The following GLI3 variants were observed in gnomAD, a reference collection of about 807,000 sequenced individuals.
GLI3 encodes the protein GLI family zinc finger 3.
GLI3 carries 20 observed loss-of-function variants against 100.8 expected under a neutral mutation model. The ratio of observed to expected loss-of-function variants is 0.20; its 90% confidence interval spans 0.14 to 0.29. The LOEUF is 0.29. GLI3 is among the 10% of genes least tolerant of loss of function. The pLI, the probability that GLI3 is intolerant of heterozygous loss-of-function variation, is 1.00. For synonymous variants in GLI3, 938 were observed against 860.5 expected, an observed-to-expected ratio of 1.09 and a Z score of -1.58; for missense variants, 2,040 against 2,128.5, an observed-to-expected ratio of 0.96 and a Z score of 0.82.
At chr7:42,039,134 C>T (rs1011306525) in intron 7 of GLI3, among the ~76,000 whole-genome samples, 1 of 152,156 alleles carries the variant, frequency 6.6e-6, no homozygotes, top group Non-Finnish European at 1.5e-5. Flanking sequence ...ACCAGGATTG[C>T]TAAATTAATT....
intron 2 of GLI3, among the ~76,000 whole-genome samples, chr7:42,197,011 C>T (rs1379695145): frequency 6.6e-6 from 1 of 152,108 alleles, no homozygotes; most frequent in African/African-American, 2.4e-5. Flanking sequence ...GAAGTTTTAT[C>T]CTCTGGATTT....
rs1784227926 is a variant in GLI3, at chr7:42,045,526, G to A, written c.684C>T (p.Pro228=). Reference sequence around the variant, plus strand: ...ATTCTGCTGGGCTGACTCCTGCATGGGGCGCTAGGAGGAGACAAGAGATGT... The same window carrying A: ...ATTCTGCTGGGCTGACTCCTGCATGAGGCGCTAGGAGGAGACAAGAGATGT... The part of the protein sequence containing the change: ...ATRGLSPTDA[P]HAGVSPAEYY... The change falls in exon 6 of 15, where the codon CCC becomes CCT. Residue 228 remains proline, a synonymous_variant. Transcript: ENST00000395925. The A allele has an allele frequency of 6.2e-7, 1 of 1,613,796 alleles. No homozygotes were observed. The highest frequency in any genetic ancestry group is 1.1e-5 in the South Asian group (1 of 91,074).
chr7:41,994,991 G>A (rs1023333431), intron 10 of GLI3, among the ~76,000 whole-genome samples: 10 of 152,170 alleles, frequency 6.6e-5, no homozygotes, highest in African/African-American at 2.2e-4. Context: ...GCACTCTCTG[G>A]GGAATAAATA....
chr7:42,148,786 T>C (rs1243023690), intron 2 of GLI3, among the ~76,000 whole-genome samples: 4 of 152,196 alleles, frequency 2.6e-5, no homozygotes, highest in Non-Finnish European at 4.4e-5. Context: ...TTTCTGCTCA[T>C]GGGCTGGCCA....
intron 2 of GLI3, among the ~76,000 whole-genome samples, chr7:42,193,405 G>C (rs546739873): frequency 6.6e-6 from 1 of 151,788 alleles, no homozygotes; most frequent in Non-Finnish European, 1.5e-5. Flanking sequence ...TGGCCTCCAG[G>C]AACACACTCT....
At chr7:42,005,133 T>A (rs552491368) in intron 10 of GLI3, among the ~76,000 whole-genome samples, 5 of 152,126 alleles carry the variant, frequency 3.3e-5, no homozygotes, top group Non-Finnish European at 7.4e-5. Context: ...TAGAAATACA[T>A]GAAGACAAAA....
intron 3 of GLI3, among the ~76,000 whole-genome samples, chr7:42,091,156 T>C (rs530124521): frequency 1.8e-4 from 27 of 152,264 alleles, no homozygotes; most frequent in Non-Finnish European, 4.0e-4. Context: ...CTTTTTACAC[T>C]GGGCCTCACA....
intron 3 of GLI3, among the ~76,000 whole-genome samples, chr7:42,082,707 A>C (rs764294614): frequency 1.3e-5 from 2 of 152,174 alleles, no homozygotes; most frequent in Non-Finnish European, 2.9e-5. Context: ...GGGTAATGCA[A>C]GTTTAAAGAA....
At chr7:42,126,900 T>C (rs912370836) in intron 3 of GLI3, among the ~76,000 whole-genome samples, 1 of 152,140 alleles carries the variant, frequency 6.6e-6, no homozygotes, top group African/African-American at 2.4e-5. Flanking sequence ...TGTTTCTGGA[T>C]TACAGGGCTG....
chr7:42,172,182 G>A (rs932197696), intron 2 of GLI3, among the ~76,000 whole-genome samples: 3 of 151,700 alleles, frequency 2.0e-5, no homozygotes, highest in Non-Finnish European at 4.4e-5. Flanking sequence ...TATCTCCTTC[G>A]TAGTTCTCTT....
chr7:42,172,669 G>C (rs1297781548), intron 2 of GLI3: 6 of 701,504 alleles, frequency 8.6e-6, no homozygotes, highest in Admixed American at 4.0e-5. Flanking sequence ...CCTCTGGCCT[G>C]GGCCTCCAAA....
chr7:42,261,847 C>A (rs77956565), intron 1 of GLI3, among the ~76,000 whole-genome samples: 13,295 of 150,998 alleles, frequency 0.088, 1,209 homozygotes, highest in African/African-American at 0.23. Flanking sequence ...AAGGAACAGT[C>A]TTTGTTTTCT....
intron 3 of GLI3, among the ~76,000 whole-genome samples, chr7:42,098,544 C>A (rs1785391023): frequency 6.6e-6 from 1 of 152,154 alleles, no homozygotes; most frequent in Non-Finnish European, 1.5e-5. Flanking sequence ...TCTGAACATC[C>A]ATTTTCTCAG....
intron 2 of GLI3, among the ~76,000 whole-genome samples, chr7:42,200,572 T>A (rs2128692526): frequency 6.6e-6 from 1 of 152,322 alleles, no homozygotes; most frequent in South Asian, 2.1e-4. Flanking sequence ...GGGAGGCAGA[T>A]TTTTGCCCCA....
chr7:42,087,891 T>C (rs895996289), intron 3 of GLI3, among the ~76,000 whole-genome samples: 6 of 152,298 alleles, frequency 3.9e-5, no homozygotes, highest in East Asian at 3.9e-4. Context: ...AGAAGCATCA[T>C]TGTTTGCAGA....
At chr7:42,249,422 A>G (rs928498645) in intron 1 of GLI3, among the ~76,000 whole-genome samples, 5 of 152,156 alleles carry the variant, frequency 3.3e-5, no homozygotes, top group Non-Finnish European at 7.3e-5. Flanking sequence ...AATCATCCTA[A>G]GCTTGTCACC....
At chr7:42,166,990 T>A (rs919362326) in intron 2 of GLI3, among the ~76,000 whole-genome samples, 13 of 152,084 alleles carry the variant, frequency 8.5e-5, no homozygotes, top group Non-Finnish European at 1.8e-4. Context: ...CACGCCTGAC[T>A]AATTTTTGTA....
intron 3 of GLI3, among the ~76,000 whole-genome samples, chr7:42,099,827 G>A (rs1785420481): frequency 6.6e-6 from 1 of 152,234 alleles, no homozygotes; most frequent in South Asian, 2.1e-4. Context: ...CACTGCATCT[G>A]GCCATGATAT....
At chr7:42,041,329 G>A (rs1446579961) in intron 6 of GLI3, among the ~76,000 whole-genome samples, 1 of 152,194 alleles carries the variant, frequency 6.6e-6, no homozygotes, top group Non-Finnish European at 1.5e-5. Flanking sequence ...TTCCTGAAGA[G>A]TTCAAAATTA....
Sources: gnomAD v4.1 joint callset for allele counts (sites outside exome capture counted in the v4.1 genomes callset) on GRCh38, gnomAD v4.1.1 for gene constraint, MANE v1.5 for transcripts, NCBI Gene and HGNC (gene_info 2026-07-23, HGNC 2026-07-21) for gene names.